REV1: variants seen among roughly 807,000 people sequenced by gnomAD.
The protein encoded by REV1 is translesion synthesis protein REV1.
REV1 carries 42 observed loss-of-function variants against 137.4 expected under a neutral mutation model. The ratio of observed to expected loss-of-function variants is 0.31; its 90% CI spans 0.24 to 0.40. The LOEUF is 0.40. Ranked by LOEUF, REV1 falls within the 10% of genes least tolerant of loss-of-function variation. REV1 has a pLI of 1.00. For missense variants in REV1, 1,282 were observed against 1,490.1 expected, an observed-to-expected ratio of 0.86 and a Z score of 2.30; for synonymous variants, 524 against 519.2, an observed-to-expected ratio of 1.01 and a Z score of -0.12.
intron 11 of REV1, among the ~76,000 whole-genome samples, chr2:99,420,721 A>G (rs1446334716): frequency 6.6e-6 from 1 of 152,168 alleles, no homozygotes; most frequent in Non-Finnish European, 1.5e-5. Flanking sequence ...GGAACTTTGG[A>G]AGAAGAAGGG....
At chr2:99,469,977 CG>C (rs1477545759) in intron 1 of REV1, among the ~76,000 whole-genome samples, 6 of 151,892 alleles carry the variant, frequency 4.0e-5, no homozygotes, top group African/African-American at 1.5e-4. Context: ...AAAAATTAGC[CG>C]GGCATGGTGG....
At chr2:99,424,094 T>C in intron 10 of REV1, 58 bp downstream of exon 10, 6 of 1,566,838 alleles carry the variant, frequency 3.8e-6, no homozygotes, top group South Asian at 2.3e-5. Flanking sequence ...GAACTGTCTT[T>C]ACTATTAGCT....
rs1679042299 is a variant in REV1, at chr2:99,424,173, G to C, written c.1655C>G (p.Thr552Arg). 2.5e-6 allele frequency: 4 copies of C among 1,613,954 alleles called. No homozygotes were observed. Among genetic ancestry groups the C allele is most frequent in the Non-Finnish European group, 3.4e-6 (4 of 1,179,874 alleles). Residue 552 changes from threonine to arginine, a missense_variant, in exon 10 of 23, where the codon ACA becomes AGA. Transcript: ENST00000258428. ...DFHAYKEVAQ[T>R]LYETLASYTH... The stretch of plus-strand genomic sequence containing the variant: ...GTACCTTGCCAATGTTTCATACAAT[G>C]TTTGTGCGACTTCCTTATATGCATG...
At chr2:99,422,912 C>A (rs1678869896) in intron 10 of REV1, among the ~76,000 whole-genome samples, 1 of 152,098 alleles carries the variant, frequency 6.6e-6, no homozygotes. Context: ...CCTATCTAGC[C>A]CTCGTTTGGA....
chr2:99,424,081 C>T (rs1679029075), intron 10 of REV1, 71 bp downstream of exon 10: 2 of 1,477,524 alleles, frequency 1.4e-6, no homozygotes, highest in African/African-American at 2.9e-5. Flanking sequence ...CTAAAGAAAA[C>T]TTGAACTGTC....
chr2:99,404,295 A>G (rs1675946689), intron 18 of REV1, 149 bp downstream of exon 18: 1 of 675,692 alleles, frequency 1.5e-6, no homozygotes, highest in Admixed American at 2.8e-5. Context: ...GGAGATGGAG[A>G]CAAGCCCACT....
intron 3 of REV1, among the ~76,000 whole-genome samples, chr2:99,456,946 G>A (rs1394444088): frequency 6.6e-6 from 1 of 152,102 alleles, no homozygotes; most frequent in African/African-American, 2.4e-5. Flanking sequence ...AAGAACATGA[G>A]GTTGAAAATG....
At chr2:99,425,110 A>G (rs1679172017) in intron 9 of REV1, among the ~76,000 whole-genome samples, 1 of 152,210 alleles carries the variant, frequency 6.6e-6, no homozygotes, top group Admixed American at 6.5e-5. Flanking sequence ...ATATTATATA[A>G]TAGGATAATG....
intron 3 of REV1, among the ~76,000 whole-genome samples, chr2:99,453,371 A>T (rs1192406444): frequency 6.7e-6 from 1 of 149,974 alleles, no homozygotes; most frequent in African/African-American, 2.5e-5. Context: ...AAAAAAAAAG[A>T]ATTATGTGTC....
At chr2:99,464,860 A>G (rs760746896) in intron 2 of REV1, 62 bp downstream of exon 2, 1 of 1,483,328 alleles carries the variant, frequency 6.7e-7, no homozygotes, top group Non-Finnish European at 9.4e-7. Context: ...CCACATTATA[A>G]CAGAAGAATG....
intron 3 of REV1, among the ~76,000 whole-genome samples, chr2:99,455,699 A>G (rs1445428198): frequency 6.6e-6 from 1 of 152,222 alleles, no homozygotes; most frequent in Non-Finnish European, 1.5e-5. Context: ...GGAGGCATTT[A>G]TTTCCAAAAA....
At chr2:99,414,726 A>G (rs1304630985) in intron 12 of REV1, among the ~76,000 whole-genome samples, 5 of 152,086 alleles carry the variant, frequency 3.3e-5, no homozygotes, top group Non-Finnish European at 7.4e-5. Context: ...CCCTCCCACT[A>G]TTGCCTCACT....
At position 99,456,335 on chromosome 2, in the gene REV1, T is replaced by C. The variant is rs142375612; in HGVS notation, c.181+6161A>G. Among the ~76,000 whole-genome samples, 376 of 152,370 alleles carry C rather than the reference T, an allele frequency of 2.5e-3. 4 individuals carry two copies. The highest frequency in any genetic ancestry group is 8.7e-3 in the African/African-American group (360 of 41,592). ...AGTCTGTGCCCCGTGATAGCACTTG[T>C]ATTCCACTGAGGAGACAAAAATAAG... On this transcript the variant is annotated intron_variant, in intron 3 of 22. Transcript: ENST00000258428.
In REV1 at chr2:99,453,766, G is replaced by A. The variant is rs572808878; in HGVS notation, c.182-4262C>T. Among the ~76,000 whole-genome samples the A allele has an allele frequency of 2.3e-3, 344 of 151,630 alleles. 5 individuals carry two copies. The highest frequency in any genetic ancestry group is 8.1e-3 in the African/African-American group (334 of 41,324). On this transcript the variant is annotated intron_variant, in intron 3 of 22. Transcript: ENST00000258428. ...AAATCAGCTGGGCATGGTAACACGC[G>A]CCTGTAGTCCCAGCTACTCAGGAGG...
chr2:99,434,279 A>T, intron 8 of REV1, 53 bp downstream of exon 8: 1 of 1,233,558 alleles, frequency 8.1e-7, no homozygotes, highest in Non-Finnish European at 1.1e-6. Flanking sequence ...AAATAGCAAA[A>T]TCCAGAAGCC....
At chr2:99,479,736 C>A (rs1048536535) in intron 1 of REV1, among the ~76,000 whole-genome samples, 1 of 151,668 alleles carries the variant, frequency 6.6e-6, no homozygotes, top group Non-Finnish European at 1.5e-5. Context: ...TGCAGTGAAC[C>A]ACTGCACTTG....
intron 5 of REV1, among the ~76,000 whole-genome samples, chr2:99,441,829 T>TA (rs906426751): frequency 6.6e-6 from 1 of 152,234 alleles, no homozygotes; most frequent in African/African-American, 2.4e-5. Flanking sequence ...ATTATCATTA[T>TA]AAAAATAATT....
At position 99,435,902 on chromosome 2, in the gene REV1, C is replaced by T. The variant is rs1042664313; in HGVS notation, c.1253G>A (p.Cys418Tyr). ...SVLNSPRHQS[C>Y]IMHVDMDCFF... ...GCAATCCATATCAACATGCATTATA[C>T]AGCTCTGATGTCTGGGAGAATTCAA... The change falls in exon 7 of 23, where the codon TGT becomes TAT. Residue 418 changes from cysteine to tyrosine, a missense_variant. This residue lies in a region of REV1 where 432 missense variants were observed against 438.0 expected (regional missense o/e 0.99). Coordinates refer to ENST00000258428, the MANE Select transcript of REV1 (RefSeq NM_016316.4). The T allele has an allele frequency of 1.3e-5, 21 of 1,607,960 alleles. No individual in the cohort carries two copies. The highest frequency in any genetic ancestry group is 1.2e-4 in the Admixed American group (7 of 59,784).
chr2:99,443,555 T>C (rs139477166), intron 4 of REV1, among the ~76,000 whole-genome samples: 1,998 of 152,284 alleles, frequency 0.013, 44 homozygotes, highest in African/African-American at 0.046. Flanking sequence ...GAACTATATA[T>C]GATACAGAGT....
Sources: gnomAD v4.1 joint callset for allele counts (sites outside exome capture counted in the v4.1 genomes callset) on GRCh38, gnomAD v4.1.1 for gene constraint, gnomAD v4.1.1 regional missense constraint, MANE v1.5 for transcripts, NCBI Gene and HGNC (gene_info 2026-07-23, HGNC 2026-07-21) for gene names.